SLC14A1: variants seen among roughly 807,000 people sequenced by gnomAD.
SLC14A1 encodes urea transporter 1.
In SLC14A1, 36 loss-of-function variants were observed where a neutral mutation model predicts 39.6. That is an observed-to-expected ratio of 0.91 (90% CI 0.70 to 1.20). The LOEUF (loss-of-function observed/expected upper bound fraction) is 1.20, where lower values mean the gene tolerates loss of function less well. Ranked by LOEUF, SLC14A1 falls within the 50% of genes most tolerant of loss-of-function variation. The pLI is 0.00. For missense variants in SLC14A1, 469 were observed against 478.7 expected, an observed-to-expected ratio of 0.98 and a Z score of 0.19; for synonymous variants, 164 against 173.6, an observed-to-expected ratio of 0.94 and a Z score of 0.43.
At chr18:45,727,740 G>A (rs895941482) in intron 2 of SLC14A1, among the ~76,000 whole-genome samples, 2 of 152,154 alleles carry the variant, frequency 1.3e-5, no homozygotes, top group Non-Finnish European at 2.9e-5. Context: ...CTTCACTGGG[G>A]CTAAGATGTT....
chr18:45,727,756 A>G (rs1056290602), intron 2 of SLC14A1, among the ~76,000 whole-genome samples: 1 of 152,244 alleles, frequency 6.6e-6, no homozygotes, highest in African/African-American at 2.4e-5. Flanking sequence ...ATGTTTGAAC[A>G]TTAGCAGAAG....
At chr18:45,746,600 C>A (rs28898894) in intron 8 of SLC14A1, among the ~76,000 whole-genome samples, 6 of 152,096 alleles carry the variant, frequency 3.9e-5, no homozygotes, top group African/African-American at 1.4e-4. Flanking sequence ...ACAGAGGGCC[C>A]CAGTGCTTGG....
chr18:45,750,405 C>A lies in SLC14A1; in HGVS notation c.*454C>A. 2 of 1,071,364 alleles carry A rather than the reference C, an allele frequency of 1.9e-6. No individual in the cohort carries two copies. The highest frequency in any genetic ancestry group is 2.3e-6 in the Non-Finnish European group (2 of 882,248). The allele number at this position is 1,071,364 out of a possible 1,614,324, so 66.4% of individuals were successfully genotyped here. A position where few individuals can be genotyped will look rare whatever the true frequency, so the allele number is the denominator to read the frequency against. ...CAGAATTCTGTGATAAGCAGCTTGGCTTTTTTTTTAAATCAATGCAAGTTA... is the reference window on the plus strand; with the variant it reads ...CAGAATTCTGTGATAAGCAGCTTGGATTTTTTTTTAAATCAATGCAAGTTA... On this transcript the variant is annotated 3_prime_UTR_variant, in exon 10 of 10. Transcript: ENST00000321925.
At chr18:45,740,431 CTTT>C (rs887202535) in intron 8 of SLC14A1, among the ~76,000 whole-genome samples, 1 of 149,072 alleles carries the variant, frequency 6.7e-6, no homozygotes, top group African/African-American at 2.5e-5. Context: ...AAGAATATTT[CTTT>C]TTTTATTTTT....
Position 45,750,985 on chromosome 18 carries a change from C to T in SLC14A1, c.*1034C>T. The T allele has an allele frequency of 7.1e-6, 7 of 985,152 alleles. No individual in the cohort carries two copies. Among genetic ancestry groups the T allele is most frequent in the Non-Finnish European group, 8.4e-6 (7 of 829,708 alleles). 61.0% of individuals were successfully genotyped at this position (985,152 alleles called of 1,614,324 possible). On this transcript the variant is annotated 3_prime_UTR_variant, in exon 10 of 10. Transcript: ENST00000321925. ...TTGAATTCCTTAATTTAAAAAAGCT[C>T]ATTATTTTTTGCACACTCACAATAT...
rs1351948617 is a variant in SLC14A1 at position 45,736,556 on chromosome 18, A to T, written c.571A>T (p.Thr191Ser). Residue 191 changes from threonine (T) to serine (S), a missense_variant, in exon 6 of 10, where the codon ACA becomes TCA. By Grantham distance (58) the Thr-to-Ser change is moderately conservative. Coordinates refer to ENST00000321925, the MANE Select transcript of SLC14A1 (RefSeq NM_015865.7). ...GGCGTTGTCAATGTACCTTTCAGCC[A>T]CAGGACATTACAATCCATTCTTTCC... Reference protein sequence around the residue: ...NMALSMYLSATGHYNPFFPAK... With the variant: ...NMALSMYLSASGHYNPFFPAK... 1.2e-6 allele frequency: 2 copies of T among 1,614,168 alleles called. No individual in the cohort carries two copies. The highest frequency in any genetic ancestry group is 1.7e-6 in the Non-Finnish European group (2 of 1,179,996).
chr18:45,734,507 AT>A, intron 5 of SLC14A1, 105 bp downstream of exon 5: 1 of 1,269,190 alleles, frequency 7.9e-7, no homozygotes, highest in Non-Finnish European at 1.1e-6. Context: ...GCAAGATGAA[AT>A]ATGTTCTCTG....
Position 45,749,950 on chromosome 18 carries a change from G to C in SLC14A1, c.1169G>C (p.Ter390SerextTer59). The part of the protein sequence containing the change: ...AKKRMVESPL[*>S] ...AAAAGAATGGTGGAAAGCCCTTTGT[G>C]AGAACAAGCCCCATTTGCAGCCATG... Residue 390 changes from the stop codon to serine, a stop_lost, in exon 10 of 10, where the codon TGA becomes TCA. Coordinates refer to ENST00000321925, the MANE Select transcript of SLC14A1 (RefSeq NM_015865.7). 2 of 1,614,208 alleles carry C rather than the reference G, an allele frequency of 1.2e-6. No homozygotes were observed. The highest frequency in any genetic ancestry group is 1.7e-6 in the Non-Finnish European group (2 of 1,180,032).
At chr18:45,728,188 G>A (rs905699320) in intron 2 of SLC14A1, among the ~76,000 whole-genome samples, 1 of 152,158 alleles carries the variant, frequency 6.6e-6, no homozygotes, top group East Asian at 1.9e-4. Flanking sequence ...CAGGAGACTC[G>A]GGCCGCTCAG....
In SLC14A1 at chr18:45,750,307, A is replaced by G; in HGVS notation, c.*356A>G. On this transcript the variant is annotated 3_prime_UTR_variant, in exon 10 of 10. Coordinates refer to ENST00000321925, the MANE Select transcript of SLC14A1 (RefSeq NM_015865.7). ...GTGTTTAGCTGGCTCGATGATGTTA[A>G]CAGTATTAAAAATTAAACCCCATAA... 8.5e-7 allele frequency: 1 copy of G among 1,177,942 alleles called. No homozygotes were observed. The highest frequency in any genetic ancestry group is 2.0e-5 in the South Asian group (1 of 50,848). The allele number at this position is 1,177,942 out of a possible 1,614,324, so 73.0% of individuals were successfully genotyped here. A position where few individuals can be genotyped will look rare whatever the true frequency, so the allele number is the denominator to read the frequency against.
intron 8 of SLC14A1, chr18:45,739,962 C>T (rs1408146861): frequency 2.4e-6 from 1 of 424,078 alleles, no homozygotes. Flanking sequence ...AGCTTTATCC[C>T]CAGAGATACA....
chr18:45,727,842 T>C (rs1599245149), intron 2 of SLC14A1, among the ~76,000 whole-genome samples: 1 of 152,176 alleles, frequency 6.6e-6, no homozygotes, highest in Non-Finnish European at 1.5e-5. Flanking sequence ...GAAATGCAAA[T>C]ATTTTAGCAT....
At chr18:45,739,735 C>T (rs944199626) in intron 8 of SLC14A1, 73 bp downstream of exon 8, 15 of 1,600,824 alleles carry the variant, frequency 9.4e-6, no homozygotes, top group Admixed American at 3.3e-5. Flanking sequence ...GCAGTAAAAA[C>T]GGACTGCATG....
Position 45,751,715 on chromosome 18 carries a change from G to T in SLC14A1, c.*1764G>T. 1 of 473,448 alleles carries T rather than the reference G, an allele frequency of 2.1e-6. No homozygotes were observed. The highest frequency in any genetic ancestry group is 2.8e-6 in the Non-Finnish European group (1 of 363,134). The allele number at this position is 473,448 out of a possible 1,614,324, so 29.3% of individuals were successfully genotyped here. A position where few individuals can be genotyped will look rare whatever the true frequency, so the allele number is the denominator to read the frequency against. Reference sequence around the variant, plus strand: ...AGATCGCTTGTGCACAGAAGTTCGAGGCTGCAGTGAGCTATATGATCATGT... The same window carrying T: ...AGATCGCTTGTGCACAGAAGTTCGATGCTGCAGTGAGCTATATGATCATGT... On this transcript the variant is annotated 3_prime_UTR_variant, in exon 10 of 10. Coordinates refer to ENST00000321925, the MANE Select transcript of SLC14A1 (RefSeq NM_015865.7).
chr18:45,742,295 C>G lies in SLC14A1; in HGVS notation c.946+2633C>G, dbSNP rs140339355. Among the ~76,000 whole-genome samples, 9 of 151,020 alleles carry G rather than the reference C, an allele frequency of 6.0e-5. No homozygotes were observed. The East Asian group carries it at 1.8e-3, about 29-fold the overall frequency. ...GATCAAGGAGAAGGCATTTTGAGCA[C>G]AGGAGATGGCGACGAGGTTTTTGTT... is the stretch of plus-strand genomic sequence containing the variant. On this transcript the variant is annotated intron_variant, in intron 8 of 9. Transcript: ENST00000321925.
At chr18:45,734,601 G>A (rs909892082) in intron 5 of SLC14A1, among the ~76,000 whole-genome samples, 199 bp downstream of exon 5, 1 of 152,210 alleles carries the variant, frequency 6.6e-6, no homozygotes, top group Admixed American at 6.5e-5. Flanking sequence ...TTAGCCGGGT[G>A]CGGTGGTTCT....
chr18:45,730,002 G>T (rs1211845426), intron 2 of SLC14A1: 3 of 263,056 alleles, frequency 1.1e-5, no homozygotes, highest in Admixed American at 4.8e-5. Flanking sequence ...CAACTAGACT[G>T]AACTCCTTAA....
At chr18:45,745,266 T>C (rs1006187273) in intron 8 of SLC14A1, among the ~76,000 whole-genome samples, 5 of 152,080 alleles carry the variant, frequency 3.3e-5, no homozygotes, top group African/African-American at 4.8e-5. Context: ...CGACTGTAGG[T>C]TGTTCAGTTT....
At position 45,730,465 on chromosome 18, in the gene SLC14A1, C is replaced by T. The variant is rs750593958; in HGVS notation, c.145C>T (p.Leu49Phe). 6.2e-7 allele frequency: 1 copy of T among 1,614,156 alleles called. No individual in the cohort carries two copies. The highest frequency in any genetic ancestry group is 1.1e-5 in the South Asian group (1 of 91,078). The change falls in exon 3 of 10, where the codon CTT (leucine) becomes TTT (phenylalanine). Residue 49 changes from leucine (L) to phenylalanine (F), a missense_variant. Physicochemically the swap from Leu to Phe is conservative, Grantham distance 22 (BLOSUM62 0). Coordinates refer to ENST00000321925, the MANE Select transcript of SLC14A1 (RefSeq NM_015865.7). Reference sequence around the variant, plus strand: ...TGACATGAAAGAACTTGCCAACCAGCTTAAAGGTATTTATCCTTTCACATT... The same window carrying T: ...TGACATGAAAGAACTTGCCAACCAGTTTAAAGGTATTTATCCTTTCACATT... ...TGDMKELANQ[L>F]KDKPVVLQFI... is the part of the protein sequence containing the mutation.
Sources: allele counts gnomAD v4.1 joint callset (sites outside exome capture counted in the v4.1 genomes callset), GRCh38; gene constraint gnomAD v4.1.1; transcripts MANE v1.5; gene names NCBI Gene and HGNC (gene_info 2026-07-23, HGNC 2026-07-21).